The following PTPRK variants were observed in gnomAD, a reference collection of about 807,000 sequenced individuals.
PTPRK encodes receptor-type tyrosine-protein phosphatase kappa.
PTPRK carries 75 observed loss-of-function variants against 178.0 expected under a neutral mutation model. The observed-to-expected ratio is 0.42, with a 90% CI of 0.35 to 0.51. The LOEUF (loss-of-function observed/expected upper bound fraction) is 0.51, where lower values mean the gene tolerates loss of function less well. Ranked by LOEUF, PTPRK falls within the 20% of genes least tolerant of loss-of-function variation. The pLI is 0.02. For synonymous variants in PTPRK, 637 were observed against 620.6 expected, an observed-to-expected ratio of 1.03 and a Z score of -0.39; for missense variants, 1,441 against 1,797.8, an observed-to-expected ratio of 0.80 and a Z score of 3.59.
At chr6:127,995,223 T>C (rs765335872) in intron 18 of PTPRK, 2 of 1,579,060 alleles carry the variant, frequency 1.3e-6, no homozygotes, top group Non-Finnish European at 1.7e-6. Context: ...AATAGGGTGC[T>C]GTTATTTACA....
At chr6:128,261,026 A>G (rs1014619002) in intron 3 of PTPRK, among the ~76,000 whole-genome samples, 3 of 152,092 alleles carry the variant, frequency 2.0e-5, no homozygotes, top group African/African-American at 4.8e-5. Flanking sequence ...TTATATAGCA[A>G]TAGTTTCTGT....
At chr6:128,227,894 C>A (rs150908998) in intron 5 of PTPRK, among the ~76,000 whole-genome samples, 1 of 151,838 alleles carries the variant, frequency 6.6e-6, no homozygotes, top group Non-Finnish European at 1.5e-5. Flanking sequence ...TATGAGTTCT[C>A]ACTCATAAGT....
intron 7 of PTPRK, among the ~76,000 whole-genome samples, chr6:128,134,309 T>C (rs945087191): frequency 6.6e-6 from 1 of 152,220 alleles, no homozygotes; most frequent in Non-Finnish European, 1.5e-5. Flanking sequence ...ACTGATGATA[T>C]AAAAATGATC....
intron 3 of PTPRK, among the ~76,000 whole-genome samples, chr6:128,291,683 T>C (rs1823407738): frequency 6.6e-6 from 1 of 152,112 alleles, no homozygotes; most frequent in Admixed American, 6.6e-5. Context: ...ACTATACCCT[T>C]TCTCAACTGG....
intron 2 of PTPRK, among the ~76,000 whole-genome samples, chr6:128,391,464 T>C (rs1297641740): frequency 6.6e-6 from 1 of 152,182 alleles, no homozygotes; most frequent in East Asian, 1.9e-4. Context: ...GCGATAATAT[T>C]GCAAGCTAAT....
chr6:128,304,191 C>T (rs1365898165), intron 3 of PTPRK, among the ~76,000 whole-genome samples: 1 of 152,180 alleles, frequency 6.6e-6, no homozygotes, highest in Non-Finnish European at 1.5e-5. Flanking sequence ...CAAGCAAAAC[C>T]TAAGTATACT....
At chr6:128,012,593 C>T (rs952672568) in intron 13 of PTPRK, among the ~76,000 whole-genome samples, 10 of 150,800 alleles carry the variant, frequency 6.6e-5, no homozygotes, top group African/African-American at 9.7e-5. Context: ...CTTTGTACAA[C>T]GAGAAAAAAA....
chr6:128,099,856 T>C (rs1253369131), intron 7 of PTPRK, among the ~76,000 whole-genome samples: 2 of 152,078 alleles, frequency 1.3e-5, no homozygotes, highest in Admixed American at 6.6e-5. Flanking sequence ...TGAAGTCTTA[T>C]ATTAGGTTTA....
chr6:128,427,959 G>A (rs1844366369), intron 1 of PTPRK, among the ~76,000 whole-genome samples: 1 of 152,126 alleles, frequency 6.6e-6, no homozygotes, highest in African/African-American at 2.4e-5. Context: ...CGGGCATGGT[G>A]GTGGGTGCCT....
At chr6:128,405,069 T>C (rs1009448018) in intron 1 of PTPRK, among the ~76,000 whole-genome samples, 1 of 152,144 alleles carries the variant, frequency 6.6e-6, no homozygotes, top group African/African-American at 2.4e-5. Flanking sequence ...CCATATAATA[T>C]ATCAACGTCT....
intron 2 of PTPRK, among the ~76,000 whole-genome samples, chr6:128,384,717 G>C (rs1320838101): frequency 6.6e-6 from 1 of 151,794 alleles, no homozygotes; most frequent in Non-Finnish European, 1.5e-5. Flanking sequence ...TTGAATACAA[G>C]GCAATCGTGA....
At chr6:128,297,634 A>C (rs1824718314) in intron 3 of PTPRK, among the ~76,000 whole-genome samples, 3 of 152,260 alleles carry the variant, frequency 2.0e-5, no homozygotes, top group Admixed American at 2.0e-4. Flanking sequence ...TACTGGGTAC[A>C]TAACAAAATG....
intron 3 of PTPRK, among the ~76,000 whole-genome samples, chr6:128,296,711 G>A (rs1824476563): frequency 6.6e-6 from 1 of 152,088 alleles, no homozygotes; most frequent in African/African-American, 2.4e-5. Flanking sequence ...CCCTAAAAGA[G>A]CTCCTGAAGG....
At chr6:128,216,063 C>T (rs117424231) in intron 6 of PTPRK, among the ~76,000 whole-genome samples, 6 of 151,952 alleles carry the variant, frequency 3.9e-5, no homozygotes, top group Admixed American at 1.3e-4. Flanking sequence ...ATCACCTGTA[C>T]GTATTAAATA....
At chr6:128,289,716 C>A (rs1434990978) in intron 3 of PTPRK, among the ~76,000 whole-genome samples, 1 of 152,020 alleles carries the variant, frequency 6.6e-6, no homozygotes, top group Non-Finnish European at 1.5e-5. Context: ...CCGTAATATA[C>A]TTTATGGAGA....
At chr6:128,176,660 C>T (rs1801124805) in intron 7 of PTPRK, among the ~76,000 whole-genome samples, 1 of 151,616 alleles carries the variant, frequency 6.6e-6, no homozygotes, top group Admixed American at 6.6e-5. Context: ...TTTTTCCCCT[C>T]TGCAGTTTAC....
chr6:128,335,380 C>T (rs1055973364), intron 2 of PTPRK, among the ~76,000 whole-genome samples: 4 of 146,370 alleles, frequency 2.7e-5, no homozygotes, highest in African/African-American at 1.0e-4. Context: ...TTGTTTGAAA[C>T]AGTTCTGCCT....
rs9402045 is a variant in PTPRK at position 128,496,437 on chromosome 6, T to C, written c.100+23822A>G. Among the ~76,000 whole-genome samples, 7,807 of 152,262 alleles carry C rather than the reference T, an allele frequency of 0.051. 1,048 individuals are homozygous for C. In the East Asian group the frequency reaches 0.58, roughly 11 times the overall value. On this transcript the variant is annotated intron_variant, in intron 1 of 29. Transcript: ENST00000368226. ...GAATTTGTCATATACTTTGTAACCCTATGGTTCCTCGCAGAATGTTGTAAA... is the reference window on the plus strand; with the variant it reads ...GAATTTGTCATATACTTTGTAACCCCATGGTTCCTCGCAGAATGTTGTAAA...
Position 128,499,353 on chromosome 6 carries a change from C to G in PTPRK, c.100+20906G>C, listed in dbSNP as rs190334778. 9.2e-5 allele frequency among the ~76,000 whole-genome samples: 14 copies of G among 152,268 alleles called. No individual in the cohort carries two copies. In the East Asian group the frequency reaches 2.5e-3, roughly 27 times the overall value. On this transcript the variant is annotated intron_variant, in intron 1 of 29. Coordinates refer to ENST00000368226, the MANE Select transcript of PTPRK (RefSeq NM_002844.4). ...CAGTAGTCAATTAGTATTTGAAGGG[C>G]CAAAGGGCAAGGCATTACAATCATA... is the stretch of plus-strand genomic sequence containing the variant.
Sources: gnomAD v4.1 joint callset for allele counts (sites outside exome capture counted in the v4.1 genomes callset) on GRCh38, gnomAD v4.1.1 for gene constraint, MANE v1.5 for transcripts, NCBI Gene and HGNC (gene_info 2026-07-23, HGNC 2026-07-21) for gene names.